SLIT2: variants seen among roughly 807,000 people sequenced by gnomAD.
SLIT2 encodes the protein slit guidance ligand 2.
In SLIT2, 41 loss-of-function variants were observed where a neutral mutation model predicts 185.7. The ratio of observed to expected loss-of-function variants is 0.22; its 90% confidence interval spans 0.17 to 0.29. The LOEUF is 0.29. Among genes scored for constraint, SLIT2 ranks in the 10% least tolerant of loss-of-function variants. The pLI, the probability that SLIT2 is intolerant of heterozygous loss-of-function variation, is 1.00. For missense variants in SLIT2, 1,571 were observed against 1,909.0 expected (o/e 0.82, Z 3.30); for synonymous variants, 693 against 680.2 (o/e 1.02, Z -0.29).
At chr4:20,477,946 G>A (rs1716295353) in intron 5 of SLIT2, among the ~76,000 whole-genome samples, 1 of 152,204 alleles carries the variant, frequency 6.6e-6, no homozygotes, top group African/African-American at 2.4e-5. Context: ...GAAGCCAGAA[G>A]TACCCAGGGC....
At chr4:20,420,053 C>T (rs1368443339) in intron 4 of SLIT2, among the ~76,000 whole-genome samples, 2 of 152,102 alleles carry the variant, frequency 1.3e-5, no homozygotes, top group African/African-American at 4.8e-5. Context: ...TAGATTTGAA[C>T]AATAAATGAT....
At chr4:20,530,356 G>A (rs2148859937) in intron 16 of SLIT2, among the ~76,000 whole-genome samples, 1 of 151,928 alleles carries the variant, frequency 6.6e-6, no homozygotes, top group Middle Eastern at 3.4e-3. Flanking sequence ...TGTAGCCTTG[G>A]CCTCCTGGGC....
intron 7 of SLIT2, 104 bp from the exon 8 acceptor site, chr4:20,488,715 A>G (rs1717491211): frequency 4.0e-6 from 3 of 741,590 alleles, no homozygotes; most frequent in Non-Finnish European, 6.3e-6. Flanking sequence ...TTATATTGGA[A>G]TCTGCTTAGC....
rs548373966 is a variant in SLIT2 at position 20,389,706 on chromosome 4, A to G, written c.396-78046A>G. On this transcript the variant is annotated intron_variant, in intron 4 of 36. Coordinates refer to ENST00000504154, the MANE Select transcript of SLIT2 (RefSeq NM_004787.4). ...TATCTGCAGCCAATTACATACTCCT[A>G]TCTGGTACTTTGAATGAGGAGCAGA... Among the ~76,000 whole-genome samples the G allele has an allele frequency of 3.3e-5, 5 of 152,238 alleles. No homozygotes were observed. In the East Asian group the frequency reaches 9.7e-4, roughly 29 times the overall value.
At chr4:20,344,952 C>T (rs35964528) in intron 4 of SLIT2, among the ~76,000 whole-genome samples, 40,793 of 151,910 alleles carry the variant, frequency 0.27, 5,842 homozygotes, top group East Asian at 0.46. Context: ...CTTACCTTGC[C>T]ACGTGTATGT....
intron 4 of SLIT2, among the ~76,000 whole-genome samples, chr4:20,418,334 T>G (rs1010832043): frequency 1.3e-4 from 20 of 152,154 alleles, no homozygotes; most frequent in African/African-American, 4.8e-4. Context: ...AATTTATGTG[T>G]AGAAAAAAAC....
At chr4:20,456,449 C>G (rs1030478796) in intron 4 of SLIT2, among the ~76,000 whole-genome samples, 3 of 152,090 alleles carry the variant, frequency 2.0e-5, no homozygotes, top group African/African-American at 7.2e-5. Context: ...ATGCCCTCCT[C>G]TTTGAAAAGC....
intron 4 of SLIT2, among the ~76,000 whole-genome samples, chr4:20,395,236 G>A (rs1389135841): frequency 6.6e-6 from 1 of 151,980 alleles, no homozygotes; most frequent in Admixed American, 6.6e-5. Context: ...GGGCCGAGAT[G>A]TGAAGGACGA....
intron 11 of SLIT2, among the ~76,000 whole-genome samples, chr4:20,512,560 A>G (rs1719853549): frequency 6.6e-6 from 1 of 152,154 alleles, no homozygotes; most frequent in South Asian, 2.1e-4. Context: ...TATTGCTCTC[A>G]GGCTGTACTG....
chr4:20,321,987 G>A (rs932099315), intron 4 of SLIT2, among the ~76,000 whole-genome samples: 1 of 152,070 alleles, frequency 6.6e-6, no homozygotes, highest in Non-Finnish European at 1.5e-5. Flanking sequence ...CTGGAGGGGT[G>A]GGGTCCTCCA....
intron 4 of SLIT2, among the ~76,000 whole-genome samples, chr4:20,346,077 C>T (rs1362370307): frequency 6.6e-6 from 1 of 152,126 alleles, no homozygotes; most frequent in Non-Finnish European, 1.5e-5. Context: ...ACTGCAGCCT[C>T]GAACTTGCTG....
chr4:20,593,772 C>T lies in SLIT2; in HGVS notation c.3183-1925C>T, dbSNP rs760911317. Among the ~76,000 whole-genome samples the T allele has an allele frequency of 2.0e-5, 3 of 151,660 alleles. No individual in the cohort carries two copies. In the East Asian group the frequency reaches 5.8e-4, roughly 29 times the overall value. The stretch of plus-strand genomic sequence containing the variant: ...TAAAGATTTTATTTTTCAATTATAC[C>T]TCAGTAAATCTAGAATAAAATAAAG... On this transcript the variant is annotated intron_variant, in intron 30 of 36. Coordinates refer to ENST00000504154, the MANE Select transcript of SLIT2 (RefSeq NM_004787.4).
At chr4:20,267,003 T>C (rs558127848) in intron 3 of SLIT2, among the ~76,000 whole-genome samples, 1 of 152,142 alleles carries the variant, frequency 6.6e-6, no homozygotes, top group South Asian at 2.1e-4. Context: ...GATTACATCA[T>C]GAGAGCTCAT....
chr4:20,586,377 T>A (rs1727064263), intron 29 of SLIT2, among the ~76,000 whole-genome samples: 1 of 152,164 alleles, frequency 6.6e-6, no homozygotes, highest in Non-Finnish European at 1.5e-5. Flanking sequence ...GATAGAGCTC[T>A]TGCCTTAAAA....
intron 29 of SLIT2, among the ~76,000 whole-genome samples, chr4:20,576,557 G>GCATCTC (rs1726100574): frequency 9.9e-5 from 15 of 152,112 alleles, no homozygotes; most frequent in Non-Finnish European, 4.4e-5. Context: ...AGATGTGTAA[G>GCATCTC]GTCTTTATAT....
intron 4 of SLIT2, among the ~76,000 whole-genome samples, chr4:20,297,109 C>T (rs10516350): frequency 0.037 from 5,682 of 152,128 alleles, 263 homozygotes; most frequent in East Asian, 0.13. Flanking sequence ...TTCCTTAATT[C>T]GTATGCATTT....
chr4:20,401,679 G>T (rs936015729), intron 4 of SLIT2, among the ~76,000 whole-genome samples: 29 of 151,952 alleles, frequency 1.9e-4, no homozygotes, highest in Admixed American at 1.1e-3. Flanking sequence ...ATAATGAAGA[G>T]ATTATGAATG....
chr4:20,589,502 G>A (rs761833503), intron 29 of SLIT2, 142 bp from the exon 30 acceptor site: 35 of 658,496 alleles, frequency 5.3e-5, no homozygotes, highest in Non-Finnish European at 8.8e-5. Context: ...ATGCCTTGTG[G>A]CTTTTGTTTT....
At chr4:20,258,276 C>T (rs991644867) in intron 3 of SLIT2, among the ~76,000 whole-genome samples, 7 of 151,536 alleles carry the variant, frequency 4.6e-5, no homozygotes, top group African/African-American at 1.2e-4. Context: ...CTTTTATTTG[C>T]GTTAATGGTG....
Sources: gnomAD v4.1 joint callset for allele counts (sites outside exome capture counted in the v4.1 genomes callset) on GRCh38, gnomAD v4.1.1 for gene constraint, MANE v1.5 for transcripts, NCBI Gene and HGNC (gene_info 2026-07-23, HGNC 2026-07-21) for gene names.